The following RUNX2 variants were observed in gnomAD, a reference collection of about 807,000 sequenced individuals.
RUNX2 encodes the protein RUNX family transcription factor 2.
In RUNX2, 10 loss-of-function variants were observed where a neutral mutation model predicts 51.7. That is an observed-to-expected ratio of 0.19 (90% confidence interval 0.12 to 0.33). The LOEUF (loss-of-function observed/expected upper bound fraction) is 0.33, where lower values mean the gene tolerates loss of function less well. Ranked by LOEUF, RUNX2 falls within the 10% of genes least tolerant of loss-of-function variation. RUNX2 has a pLI of 1.00. For synonymous variants in RUNX2, 276 were observed against 273.6 expected (o/e 1.01, Z -0.09); for missense variants, 562 against 691.3 (o/e 0.81, Z 2.10).
chr6:45,363,214 G>A (rs1794570292), intron 2 of RUNX2, among the ~76,000 whole-genome samples: 2 of 152,092 alleles, frequency 1.3e-5, no homozygotes, highest in Admixed American at 1.3e-4. Flanking sequence ...GAATAAGCCT[G>A]GGTATGGTAC....
intron 7 of RUNX2, among the ~76,000 whole-genome samples, chr6:45,537,457 G>T (rs763068530): frequency 1.4e-4 from 22 of 152,140 alleles, no homozygotes; most frequent in Non-Finnish European, 4.4e-5. Flanking sequence ...CACTTTTTTT[G>T]AGCTTGAGTT....
At chr6:45,362,315 C>T (rs1794402541) in intron 2 of RUNX2, among the ~76,000 whole-genome samples, 2 of 152,082 alleles carry the variant, frequency 1.3e-5, no homozygotes, top group Admixed American at 1.3e-4. Flanking sequence ...AGAACAACAA[C>T]TCATTAATAG....
chr6:45,497,633 C>A (rs182938325), intron 6 of RUNX2, among the ~76,000 whole-genome samples: 5 of 152,124 alleles, frequency 3.3e-5, no homozygotes, highest in Non-Finnish European at 7.3e-5. Flanking sequence ...CAAGCAGAGT[C>A]GAATCAGGCT....
intron 2 of RUNX2, among the ~76,000 whole-genome samples, chr6:45,388,501 G>C (rs897771317): frequency 1.3e-5 from 2 of 152,120 alleles, no homozygotes; most frequent in Admixed American, 1.3e-4. Flanking sequence ...CAGATACTCT[G>C]GGGGGCGGAG....
rs968767405 is a variant in RUNX2, at chr6:45,540,001, G to A, written c.1022-5216G>A. Reference sequence around the variant, plus strand: ...CCAGGAAATCCTTGTGTAGTGGTGAGCTTTGAGCCAGAGCTCGCTTACTTT... The same window carrying A: ...CCAGGAAATCCTTGTGTAGTGGTGAACTTTGAGCCAGAGCTCGCTTACTTT... On this transcript the variant is annotated intron_variant, in intron 7 of 8. Transcript: ENST00000647337. Among the ~76,000 whole-genome samples, 6 of 152,218 alleles carry A rather than the reference G, an allele frequency of 3.9e-5. No individual in the cohort carries two copies. In the East Asian group the frequency reaches 1.2e-3, roughly 29 times the overall value.
At chr6:45,440,800 C>T (rs998016125) in intron 5 of RUNX2, among the ~76,000 whole-genome samples, 5 of 151,950 alleles carry the variant, frequency 3.3e-5, no homozygotes, top group African/African-American at 9.7e-5. Flanking sequence ...TAAATAATTT[C>T]GTGGAAGAAA....
intron 2 of RUNX2, among the ~76,000 whole-genome samples, chr6:45,375,536 G>A (rs940652729): frequency 6.6e-6 from 1 of 151,920 alleles, no homozygotes; most frequent in African/African-American, 2.4e-5. Context: ...TCAGCCTTAA[G>A]ACCAAGAGCA....
chr6:45,506,841 C>T (rs1323663507), intron 6 of RUNX2, among the ~76,000 whole-genome samples: 4 of 151,962 alleles, frequency 2.6e-5, no homozygotes, highest in East Asian at 3.9e-4. Flanking sequence ...GGGGTTTCAC[C>T]GTCTCTACAA....
At position 45,547,466 on chromosome 6, in the gene RUNX2, C is replaced by T. The variant is rs1802437911; in HGVS notation, c.*161C>T. ...ATTCACTCACTCAGTCATGATCTTG[C>T]AGCCATAAGAGGGTAGATATTGAGA... On this transcript the variant is annotated 3_prime_UTR_variant, in exon 9 of 9. Coordinates refer to ENST00000647337, the MANE Select transcript of RUNX2 (RefSeq NM_001024630.4). 5 of 670,008 alleles carry T rather than the reference C, an allele frequency of 7.5e-6. No individual in the cohort carries two copies. The highest frequency in any genetic ancestry group is 7.2e-5 in the African/African-American group (4 of 55,762). 41.5% of individuals were successfully genotyped at this position (670,008 alleles called of 1,614,324 possible).
chr6:45,378,204 G>C (rs919462466), intron 2 of RUNX2, among the ~76,000 whole-genome samples: 1 of 152,342 alleles, frequency 6.6e-6, no homozygotes, highest in African/African-American at 2.4e-5. Context: ...CGCTGGGAGC[G>C]GAGTGGGGAC....
intron 5 of RUNX2, among the ~76,000 whole-genome samples, chr6:45,449,254 A>G (rs1386991804): frequency 1.3e-5 from 2 of 152,234 alleles, no homozygotes; most frequent in Non-Finnish European, 2.9e-5. Flanking sequence ...AGGCAACTTC[A>G]CAAAGTAGCT....
intron 2 of RUNX2, among the ~76,000 whole-genome samples, chr6:45,386,919 T>A (rs1208906419): frequency 1.3e-5 from 2 of 152,202 alleles, no homozygotes; most frequent in Non-Finnish European, 2.9e-5. Flanking sequence ...TAATTTTTTT[T>A]AATGCAATGA....
intron 2 of RUNX2, among the ~76,000 whole-genome samples, chr6:45,420,035 G>C (rs1798145435): frequency 6.6e-6 from 1 of 151,944 alleles, no homozygotes; most frequent in Non-Finnish European, 1.5e-5. Context: ...AGCAGTGCAT[G>C]GAGGAAGGGC....
intron 7 of RUNX2, among the ~76,000 whole-genome samples, chr6:45,530,456 G>A (rs1445371601): frequency 1.3e-5 from 2 of 152,186 alleles, no homozygotes; most frequent in Non-Finnish European, 2.9e-5. Context: ...AAAGAGATTG[G>A]TACAAGTACA....
intron 5 of RUNX2, among the ~76,000 whole-genome samples, chr6:45,455,148 C>T (rs573255445): frequency 4.4e-4 from 67 of 152,154 alleles, no homozygotes; most frequent in Non-Finnish European, 6.9e-4. Context: ...TCACCGTTCT[C>T]CTCCACATAA....
intron 2 of RUNX2, among the ~76,000 whole-genome samples, chr6:45,409,919 A>T (rs1797914787): frequency 6.6e-6 from 1 of 152,240 alleles, no homozygotes; most frequent in African/African-American, 2.4e-5. Flanking sequence ...TCAGGTGATG[A>T]GTGCAATAAT....
At position 45,358,477 on chromosome 6, in the gene RUNX2, A is replaced by T. The variant is rs146815089; in HGVS notation, c.58+29693A>T. 4.3e-4 allele frequency among the ~76,000 whole-genome samples: 66 copies of T among 152,316 alleles called. 1 individual carries two copies. In the East Asian group the frequency reaches 0.011, roughly 24 times the overall value. On this transcript the variant is annotated intron_variant, in intron 2 of 8. Coordinates refer to ENST00000647337, the MANE Select transcript of RUNX2 (RefSeq NM_001024630.4). ...TCTCTATAATTATGAAATTCTTCCC[A>T]TTAAATTGCAAATATTTCCCCCTAT...
intron 7 of RUNX2, among the ~76,000 whole-genome samples, chr6:45,532,899 C>T (rs967388731): frequency 7.0e-5 from 10 of 142,846 alleles, no homozygotes; most frequent in Non-Finnish European, 9.0e-5. Context: ...CTAAGCAGAC[C>T]GGGCTCTTTT....
chr6:45,346,127 T>C (rs1384415141), intron 2 of RUNX2, among the ~76,000 whole-genome samples: 2 of 152,156 alleles, frequency 1.3e-5, no homozygotes, highest in Admixed American at 6.6e-5. Flanking sequence ...TATAGTAGCA[T>C]ATCTGTAACT....
Sources: allele counts gnomAD v4.1 joint callset (sites outside exome capture counted in the v4.1 genomes callset), GRCh38; gene constraint gnomAD v4.1.1; transcripts MANE v1.5; gene names NCBI Gene and HGNC (gene_info 2026-07-23, HGNC 2026-07-21).